Variants in PAM observed in about 807,000 individuals in gnomAD.
PAM encodes the protein peptidyl-glycine alpha-amidating monooxygenase.
Under a neutral mutation model 122.1 loss-of-function variants are expected in PAM, and 72 were observed. The observed-to-expected ratio is 0.59, with a 90% CI of 0.49 to 0.72. PAM has a LOEUF of 0.72. Among genes scored for constraint, PAM ranks in the 30% least tolerant of loss-of-function variants. The probability of loss-of-function intolerance (pLI) is 0.00; values close to 1 mark genes in which losing one functional copy is unlikely to be tolerated. For missense variants in PAM, 1,106 were observed against 1,183.7 expected (o/e 0.93, Z 0.96); for synonymous variants, 389 against 404.4 (o/e 0.96, Z 0.46).
chr5:102,970,344 C>G (rs995858876), intron 14 of PAM, among the ~76,000 whole-genome samples: 2 of 152,198 alleles, frequency 1.3e-5, no homozygotes, highest in Admixed American at 6.5e-5. Flanking sequence ...ATGTGTCTGT[C>G]TAGCAGCTAT....
At chr5:102,890,962 C>A (rs1333581892) in intron 3 of PAM, among the ~76,000 whole-genome samples, 1 of 151,770 alleles carries the variant, frequency 6.6e-6, no homozygotes, top group East Asian at 1.9e-4. Flanking sequence ...AGAGTCCTTC[C>A]TTTTCTTGAA....
intron 5 of PAM, among the ~76,000 whole-genome samples, chr5:102,919,128 C>G (rs1746473653): frequency 6.6e-6 from 1 of 152,050 alleles, no homozygotes; most frequent in Non-Finnish European, 1.5e-5. Context: ...TAGTGCTTTA[C>G]CATCTTATGA....
intron 3 of PAM, among the ~76,000 whole-genome samples, chr5:102,893,911 T>C (rs139331894): frequency 5.9e-5 from 9 of 151,880 alleles, no homozygotes; most frequent in Admixed American, 2.0e-4. Flanking sequence ...ACTCATCCTT[T>C]TTCTTTTGTT....
chr5:102,884,027 A>G (rs1350779757), intron 3 of PAM, among the ~76,000 whole-genome samples: 1 of 151,718 alleles, frequency 6.6e-6, no homozygotes, highest in Non-Finnish European at 1.5e-5. Flanking sequence ...GTGTGATCCT[A>G]TCTTAATAAA....
intron 1 of PAM, among the ~76,000 whole-genome samples, chr5:102,794,869 T>A (rs2150030857): frequency 6.6e-6 from 1 of 152,090 alleles, no homozygotes; most frequent in East Asian, 1.9e-4. Flanking sequence ...AGCTGGTTGC[T>A]CCAAAGAGTA....
At chr5:102,830,960 C>G (rs1775270384) in intron 1 of PAM, among the ~76,000 whole-genome samples, 1 of 152,100 alleles carries the variant, frequency 6.6e-6, no homozygotes, top group Non-Finnish European at 1.5e-5. Context: ...GAAACCAGCT[C>G]TCTCAATTAA....
At chr5:102,901,835 A>C (rs1053261837) in intron 4 of PAM, among the ~76,000 whole-genome samples, 5 of 151,500 alleles carry the variant, frequency 3.3e-5, no homozygotes, top group African/African-American at 1.2e-4. Flanking sequence ...AGATGGATAG[A>C]AAGGAAGGGA....
At chr5:102,982,642 T>C (rs1770293474) in intron 15 of PAM, among the ~76,000 whole-genome samples, 1 of 152,174 alleles carries the variant, frequency 6.6e-6, no homozygotes. Flanking sequence ...AAAGAAATCA[T>C]ACAGAGACTA....
At chr5:102,907,153 C>G (rs1259744439) in intron 4 of PAM, among the ~76,000 whole-genome samples, 1 of 151,622 alleles carries the variant, frequency 6.6e-6, no homozygotes, top group Non-Finnish European at 1.5e-5. Context: ...CCTCATAAAC[C>G]ACCATAAGCA....
chr5:102,949,820 C>T (rs1758203490), intron 10 of PAM, 82 bp from the exon 11 acceptor site: 1 of 798,464 alleles, frequency 1.3e-6, no homozygotes, highest in Non-Finnish European at 2.1e-6. Flanking sequence ...CAGATTTCTA[C>T]TTTAAAGTAG....
intron 14 of PAM, among the ~76,000 whole-genome samples, chr5:102,965,942 T>C (rs1207097765): frequency 6.6e-6 from 1 of 152,064 alleles, no homozygotes; most frequent in Admixed American, 6.6e-5. Context: ...AAGTTACAGT[T>C]GTAAACAGTT....
At chr5:102,806,211 A>G (rs1561495012) in intron 1 of PAM, among the ~76,000 whole-genome samples, 2 of 152,184 alleles carry the variant, frequency 1.3e-5, no homozygotes, top group East Asian at 3.9e-4. Flanking sequence ...CAGGTGGGTC[A>G]TCTCCTCTTA....
intron 15 of PAM, among the ~76,000 whole-genome samples, chr5:102,978,276 G>T (rs531818611): frequency 6.6e-6 from 1 of 152,234 alleles, no homozygotes; most frequent in Admixed American, 6.5e-5. Flanking sequence ...CACATACATT[G>T]ATCTACCTTG....
At chr5:102,816,678 A>G (rs963998584) in intron 1 of PAM, among the ~76,000 whole-genome samples, 4 of 152,082 alleles carry the variant, frequency 2.6e-5, no homozygotes, top group East Asian at 1.9e-4. Flanking sequence ...CCTTCACCCT[A>G]ACTCACTGTT....
At chr5:102,871,221 C>T (rs73192738) in intron 3 of PAM, among the ~76,000 whole-genome samples, 13,644 of 152,122 alleles carry the variant, frequency 0.09, 1,520 homozygotes, top group African/African-American at 0.25. Context: ...TTTATTATCC[C>T]ACACTACCAA....
chr5:102,988,061 G>A (rs954594862), intron 15 of PAM, among the ~76,000 whole-genome samples: 2 of 152,070 alleles, frequency 1.3e-5, no homozygotes, highest in African/African-American at 4.8e-5. Context: ...TGTGGTATCA[G>A]CACATTTTCC....
chr5:102,934,495 C>G (rs1206515460), intron 7 of PAM, among the ~76,000 whole-genome samples: 1 of 152,144 alleles, frequency 6.6e-6, no homozygotes, highest in East Asian at 1.9e-4. Flanking sequence ...ACTTTTACCT[C>G]AGTTTTCCTT....
At chr5:102,815,880 A>G (rs1214798422) in intron 1 of PAM, among the ~76,000 whole-genome samples, 2 of 152,086 alleles carry the variant, frequency 1.3e-5, no homozygotes, top group Non-Finnish European at 2.9e-5. Context: ...CATTATAACA[A>G]TCTCCTTTAT....
chr5:103,025,439 T>G lies in PAM; in HGVS notation c.2689+105T>G, dbSNP rs1784692369. 1.3e-5 allele frequency: 12 copies of G among 954,530 alleles called. No individual in the cohort carries two copies. In the South Asian group the frequency reaches 1.6e-4, roughly 13 times the overall value. The allele number at this position is 954,530 out of a possible 1,614,324, so 59.1% of individuals were successfully genotyped here. ...GGATTTTTTTCACTGTATTTGTTTT[T>G]TTGTTTTTAATGCTCTCTACCATTT... On this transcript the variant is annotated intron_variant, in intron 24 of 25. Coordinates refer to ENST00000438793, the MANE Select transcript of PAM (RefSeq NM_001177306.2).
Sources: allele counts gnomAD v4.1 joint callset (sites outside exome capture counted in the v4.1 genomes callset), GRCh38; gene constraint gnomAD v4.1.1; transcripts MANE v1.5; gene names NCBI Gene and HGNC (gene_info 2026-07-23, HGNC 2026-07-21).